The following INO80C variants were observed in gnomAD, a reference collection of about 807,000 sequenced individuals.
INO80C encodes the protein IES6 homolog.
In INO80C, 17 loss-of-function variants were observed where a neutral mutation model predicts 17.7. The ratio of observed to expected loss-of-function variants is 0.96; its 90% CI spans 0.66 to 1.44. The LOEUF is 1.44. Ranked by LOEUF, INO80C falls within the 40% of genes most tolerant of loss-of-function variation. INO80C has a pLI of 0.00. For synonymous variants in INO80C, 96 were observed against 95.8 expected (o/e 1.00, Z -0.01); for missense variants, 244 against 245.0 (o/e 1.00, Z 0.03).
intron 4 of INO80C, among the ~76,000 whole-genome samples, chr18:35,475,271 G>C (rs899162273): frequency 1.3e-5 from 2 of 152,174 alleles, no homozygotes; most frequent in Non-Finnish European, 2.9e-5. Flanking sequence ...GAAGCAAAAA[G>C]ACAACATTTA....
At chr18:35,496,552 GTAGTTTTGTT>G (rs1567991431) in intron 1 of INO80C, among the ~76,000 whole-genome samples, 2 of 152,178 alleles carry the variant, frequency 1.3e-5, no homozygotes, top group African/African-American at 4.8e-5. Flanking sequence ...CACTGGATCT[GTAGTTTTGTT>G]TTGTTTTGTT....
At chr18:35,474,185 A>G (rs1215427767) in intron 4 of INO80C, among the ~76,000 whole-genome samples, 2 of 122,038 alleles carry the variant, frequency 1.6e-5, no homozygotes, top group African/African-American at 6.1e-5. Flanking sequence ...ATGTATATAT[A>G]TGTGTATATG....
chr18:35,479,240 G>C (rs2045776027), intron 3 of INO80C, 60 bp downstream of exon 3: 1 of 1,044,690 alleles, frequency 9.6e-7, no homozygotes, highest in African/African-American at 1.6e-5. Flanking sequence ...AATGTAGGTT[G>C]TTATAAGACA....
chr18:35,488,320 C>A (rs1385699490), intron 1 of INO80C, among the ~76,000 whole-genome samples: 1 of 152,230 alleles, frequency 6.6e-6, no homozygotes, highest in Non-Finnish European at 1.5e-5. Flanking sequence ...CCTGCCCCTG[C>A]AGCAAACTTT....
intron 2 of INO80C, 34 bp downstream of exon 2, chr18:35,480,419 G>A: frequency 7.1e-7 from 1 of 1,399,392 alleles, no homozygotes; most frequent in Non-Finnish European, 1.0e-6. Flanking sequence ...TGTGGCATTT[G>A]GATGTTTATT....
chr18:35,497,458 G>T lies in INO80C; in HGVS notation c.156+261C>A, dbSNP rs574297242. ...CTCATGCTAAAGGCGACCTCGAGGG[G>T]AAGAGGCAGTCCTTCTATTAATACT... is the stretch of plus-strand genomic sequence containing the variant. On this transcript the variant is annotated intron_variant, in intron 1 of 4. Transcript: ENST00000334598. 4 of 1,267,100 alleles carry T rather than the reference G, an allele frequency of 3.2e-6. No homozygotes were observed. In the East Asian group the frequency reaches 1.6e-4, roughly 51 times the overall value. 78.5% of individuals were successfully genotyped at this position (1,267,100 alleles called of 1,614,324 possible).
intron 1 of INO80C, among the ~76,000 whole-genome samples, chr18:35,483,868 T>C (rs765346336): frequency 2.0e-5 from 3 of 152,146 alleles, no homozygotes; most frequent in Non-Finnish European, 2.9e-5. Flanking sequence ...CTTCTCTGAG[T>C]ATAGCTTTTT....
intron 4 of INO80C, among the ~76,000 whole-genome samples, chr18:35,469,918 C>G (rs771534356): frequency 1.2e-4 from 19 of 152,196 alleles, no homozygotes; most frequent in Non-Finnish European, 2.5e-4. Context: ...CCAGACATAT[C>G]AAAATTCTCT....
chr18:35,497,625 G>A, intron 1 of INO80C, 94 bp downstream of exon 1: 1 of 1,486,274 alleles, frequency 6.7e-7, no homozygotes, highest in Non-Finnish European at 8.9e-7. Flanking sequence ...CGCACGCGCA[G>A]CGCCCCACAT....
At chr18:35,481,781 G>A (rs2045811626) in intron 1 of INO80C, among the ~76,000 whole-genome samples, 1 of 152,192 alleles carries the variant, frequency 6.6e-6, no homozygotes, top group Non-Finnish European at 1.5e-5. Flanking sequence ...CTACTCGGGA[G>A]GCTGAGGCAG....
intron 1 of INO80C, chr18:35,489,402 C>T (rs1368754782): frequency 4.4e-6 from 1 of 227,782 alleles, no homozygotes; most frequent in South Asian, 4.6e-5. Flanking sequence ...TGGCAGCAGG[C>T]AAGAGAGAGA....
At position 35,480,440 on chromosome 18, in the gene INO80C, C is replaced by T. The variant is rs1473338462; in HGVS notation, c.267+13G>A. On this transcript the variant is annotated intron_variant, in intron 2 of 4. Coordinates refer to ENST00000334598, the MANE Select transcript of INO80C (RefSeq NM_194281.4). The stretch of plus-strand genomic sequence containing the variant: ...ATTTGGATGTTTATTCAGCTAATAC[C>T]TTCGATGCTTACCACAAAGTTGGGA... 6.4e-7 allele frequency: 1 copy of T among 1,569,054 alleles called. No individual in the cohort carries two copies. Among genetic ancestry groups the T allele is most frequent in the Non-Finnish European group, 8.8e-7 (1 of 1,138,906 alleles).
At position 35,484,530 on chromosome 18, in the gene INO80C, C is replaced by T. The variant is rs140486630; in HGVS notation, c.157-3967G>A. Among the ~76,000 whole-genome samples, 359 of 152,290 alleles carry T rather than the reference C, an allele frequency of 2.4e-3. 1 individual carries two copies. The highest frequency in any genetic ancestry group is 5.4e-3 in the South Asian group (26 of 4,822). Reference sequence around the variant, plus strand: ...GAAGACATTTGGTGGGGGAAAAATGCATCTTGACTAAACATGTACAAACTT... The same window carrying T: ...GAAGACATTTGGTGGGGGAAAAATGTATCTTGACTAAACATGTACAAACTT... On this transcript the variant is annotated intron_variant, in intron 1 of 4. Transcript: ENST00000334598.
At chr18:35,483,681 T>G (rs954003101) in intron 1 of INO80C, 4 of 152,292 alleles carry the variant, frequency 2.6e-5, no homozygotes, top group Middle Eastern at 3.4e-3. Context: ...GCATCAGCAC[T>G]GGAGATGTAT....
intron 4 of INO80C, among the ~76,000 whole-genome samples, chr18:35,476,646 A>AAAT (rs2045740289): frequency 1.3e-5 from 2 of 152,228 alleles, no homozygotes; most frequent in South Asian, 2.1e-4. Flanking sequence ...CAACCATATC[A>AAAT]ACAATCACTT....
chr18:35,495,704 G>A (rs1398955859), intron 1 of INO80C, among the ~76,000 whole-genome samples: 1 of 152,110 alleles, frequency 6.6e-6, no homozygotes, highest in Non-Finnish European at 1.5e-5. Flanking sequence ...CTTGGTCCTG[G>A]CACAACTGGT....
intron 4 of INO80C, among the ~76,000 whole-genome samples, chr18:35,476,348 T>A (rs1176196891): frequency 6.6e-6 from 1 of 152,178 alleles, no homozygotes; most frequent in Non-Finnish European, 1.5e-5. Flanking sequence ...TAGTTTTAGG[T>A]AAAAACTAAG....
intron 1 of INO80C, chr18:35,487,377 TG>T (rs1162132949): frequency 2.5e-6 from 1 of 396,130 alleles, no homozygotes; most frequent in East Asian, 1.0e-4. Context: ...AGAGGTTTAA[TG>T]GACTCACATT....
At chr18:35,469,380 A>G (rs2045642685) in intron 4 of INO80C, among the ~76,000 whole-genome samples, 1 of 152,156 alleles carries the variant, frequency 6.6e-6, no homozygotes, top group Non-Finnish European at 1.5e-5. Context: ...CCAAGTCCTC[A>G]GTGCAGCTCC....
Sources: allele counts gnomAD v4.1 joint callset (sites outside exome capture counted in the v4.1 genomes callset), GRCh38; gene constraint gnomAD v4.1.1; transcripts MANE v1.5; gene names NCBI Gene and HGNC (gene_info 2026-07-23, HGNC 2026-07-21).